ANKRD6: variants seen among roughly 807,000 people sequenced by gnomAD.
ANKRD6 encodes the protein ankyrin repeat domain 6, also known as ankyrin repeat domain-containing protein 6.
In ANKRD6, 56 loss-of-function variants were observed where a neutral mutation model predicts 82.3. The observed-to-expected ratio is 0.68, with a 90% CI of 0.55 to 0.85. ANKRD6 has a LOEUF of 0.85. Ranked by LOEUF, ANKRD6 falls within the 40% of genes least tolerant of loss-of-function variation. The pLI, the probability that ANKRD6 is intolerant of heterozygous loss-of-function variation, is 0.00. For missense variants in ANKRD6, 852 were observed against 907.6 expected (o/e 0.94, Z 0.79); for synonymous variants, 347 against 352.1 (o/e 0.99, Z 0.16).
At chr6:89,553,607 A>T (rs1489635557) in intron 1 of ANKRD6, among the ~76,000 whole-genome samples, 2 of 152,094 alleles carry the variant, frequency 1.3e-5, no homozygotes, top group African/African-American at 4.8e-5. Flanking sequence ...TATGGTGCAG[A>T]ATTGGAAAGT....
chr6:89,617,313 C>G (rs774436446), intron 8 of ANKRD6, among the ~76,000 whole-genome samples: 3 of 152,166 alleles, frequency 2.0e-5, no homozygotes, highest in Non-Finnish European at 4.4e-5. Context: ...TCTAGCTCCC[C>G]TCTTTCTCCT....
chr6:89,616,524 A>G (rs372711170), intron 7 of ANKRD6, 35 bp from the exon 8 acceptor site: 32 of 1,599,754 alleles, frequency 2.0e-5, no homozygotes, highest in Non-Finnish European at 2.7e-5. Context: ...GGCCATGAGC[A>G]GATGAGGTTT....
At chr6:89,472,985 T>C (rs1040208038) in intron 1 of ANKRD6, among the ~76,000 whole-genome samples, 10 of 152,226 alleles carry the variant, frequency 6.6e-5, no homozygotes, top group East Asian at 1.9e-4. Flanking sequence ...AGATTTTTTT[T>C]CCCTAATCTC....
chr6:89,465,647 A>G (rs854866), intron 1 of ANKRD6, among the ~76,000 whole-genome samples: 142,459 of 151,928 alleles, frequency 0.94, 66,887 homozygotes, highest in East Asian at 1. Flanking sequence ...GATTGCTTGA[A>G]GCCAAGAATC....
chr6:89,590,755 CG>C (rs1168033035), intron 2 of ANKRD6, among the ~76,000 whole-genome samples: 1 of 152,006 alleles, frequency 6.6e-6, no homozygotes, highest in Non-Finnish European at 1.5e-5. Context: ...AGATGGCTGA[CG>C]GGGTGAATCC....
intron 4 of ANKRD6, among the ~76,000 whole-genome samples, chr6:89,605,772 G>T (rs145794970): frequency 6.6e-6 from 1 of 152,154 alleles, no homozygotes; most frequent in South Asian, 2.1e-4. Context: ...TCCATGGTTC[G>T]TCATGGATTC....
chr6:89,622,622 G>C (rs1301895195), intron 10 of ANKRD6, among the ~76,000 whole-genome samples: 1 of 152,180 alleles, frequency 6.6e-6, no homozygotes, highest in Admixed American at 6.5e-5. Flanking sequence ...CCCCTGGGCA[G>C]ACCCACTGTG....
At chr6:89,481,476 C>G (rs1776796864) in intron 1 of ANKRD6, among the ~76,000 whole-genome samples, 1 of 152,134 alleles carries the variant, frequency 6.6e-6, no homozygotes, top group Admixed American at 6.5e-5. Flanking sequence ...AAATCGGAAA[C>G]ACTTCTGATT....
At chr6:89,474,607 C>T (rs556333417) in intron 1 of ANKRD6, among the ~76,000 whole-genome samples, 51 of 152,198 alleles carry the variant, frequency 3.4e-4, no homozygotes, top group African/African-American at 1.2e-3. Flanking sequence ...TTAGTAGAGA[C>T]GGGGTTTCAC....
chr6:89,580,798 G>A (rs1202654698), intron 2 of ANKRD6, among the ~76,000 whole-genome samples: 1 of 152,148 alleles, frequency 6.6e-6, no homozygotes, highest in African/African-American at 2.4e-5. Flanking sequence ...GCCTGAACTC[G>A]TGTTTGCCGA....
chr6:89,506,318 T>G (rs1779849605), intron 1 of ANKRD6, among the ~76,000 whole-genome samples: 2 of 152,150 alleles, frequency 1.3e-5, no homozygotes, highest in Admixed American at 6.5e-5. Flanking sequence ...TTATACAATT[T>G]TATTTATTTT....
chr6:89,479,189 T>C (rs1776470276), intron 1 of ANKRD6, among the ~76,000 whole-genome samples: 1 of 152,154 alleles, frequency 6.6e-6, no homozygotes, highest in African/African-American at 2.4e-5. Flanking sequence ...GAGGCTAGGT[T>C]AGGCAAGGGT....
chr6:89,468,473 ATTT>A (rs1020998764), intron 1 of ANKRD6, among the ~76,000 whole-genome samples: 3 of 151,822 alleles, frequency 2.0e-5, no homozygotes, highest in African/African-American at 4.8e-5. Flanking sequence ...TTTTGTCTTA[ATTT>A]TTCTATTTTT....
At chr6:89,467,258 TAGAGAA>T (rs796153845) in intron 1 of ANKRD6, among the ~76,000 whole-genome samples, 8 of 152,314 alleles carry the variant, frequency 5.3e-5, no homozygotes, top group African/African-American at 1.9e-4. Flanking sequence ...TGAGGTCTCT[TAGAGAA>T]AAACAACAAA....
intron 1 of ANKRD6, among the ~76,000 whole-genome samples, chr6:89,565,074 G>A (rs1237285136): frequency 5.3e-5 from 8 of 152,184 alleles, no homozygotes; most frequent in Admixed American, 1.3e-4. Context: ...ATAGTGTAAC[G>A]GTCTGGGAAA....
At chr6:89,589,774 T>C (rs950270652) in intron 2 of ANKRD6, among the ~76,000 whole-genome samples, 10 of 152,220 alleles carry the variant, frequency 6.6e-5, no homozygotes, top group African/African-American at 2.4e-4. Context: ...AGTGCCCCAG[T>C]GGTGTGGACA....
chr6:89,613,823 G>A lies in ANKRD6; in HGVS notation c.548G>A (p.Arg183His), dbSNP rs779322411. The change falls in exon 7 of 16, where the codon CGC becomes CAC. Residue 183 changes from arginine (R) to histidine (H), a missense_variant. Transcript: ENST00000339746. The stretch of plus-strand genomic sequence containing the variant: ...GACACCTGTTTGCACGTTGCTGCGC[G>A]CTATAATCACTTGTCCATCATTAGG... Reference protein sequence around the residue: ...AGDTCLHVAARYNHLSIIRLL... With the variant: ...AGDTCLHVAAHYNHLSIIRLL... 9.3e-6 allele frequency: 15 copies of A among 1,614,016 alleles called. No homozygotes were observed. Among genetic ancestry groups the A allele is most frequent in the South Asian group, 4.4e-5 (4 of 91,086 alleles).
intron 1 of ANKRD6, among the ~76,000 whole-genome samples, chr6:89,531,194 G>A (rs984434339): frequency 3.9e-5 from 6 of 152,202 alleles, no homozygotes; most frequent in Non-Finnish European, 7.3e-5. Context: ...TCTGGGAATC[G>A]AGCCAAAGTG....
chr6:89,560,356 C>T lies in ANKRD6; in HGVS notation c.-143-6478C>T, dbSNP rs148418736. Reference sequence around the variant, plus strand: ...ATGGCTGTTCTTCTGTGTGTGCACACTCAGAGTACGTGTGCAAGCATGAGT... The same window carrying T: ...ATGGCTGTTCTTCTGTGTGTGCACATTCAGAGTACGTGTGCAAGCATGAGT... On this transcript the variant is annotated intron_variant, in intron 1 of 15. Coordinates refer to ENST00000339746, the MANE Select transcript of ANKRD6 (RefSeq NM_001242809.2). Among the ~76,000 whole-genome samples, 1,109 of 152,320 alleles carry T rather than the reference C, an allele frequency of 7.3e-3. 6 individuals carry two copies. The highest frequency in any genetic ancestry group is 0.016 in the South Asian group (78 of 4,826).
Sources: gnomAD v4.1 joint callset for allele counts (sites outside exome capture counted in the v4.1 genomes callset) on GRCh38, gnomAD v4.1.1 for gene constraint, MANE v1.5 for transcripts, NCBI Gene and HGNC (gene_info 2026-07-23, HGNC 2026-07-21) for gene names.